The following INPP4B variants were observed in gnomAD, a reference collection of about 807,000 sequenced individuals.
INPP4B encodes the protein inositol polyphosphate-4-phosphatase type II B, also known as inositol polyphosphate 4-phosphatase type II.
Under a neutral mutation model 122.5 loss-of-function variants are expected in INPP4B, and 55 were observed. The ratio of observed to expected loss-of-function variants is 0.45; its 90% CI spans 0.36 to 0.56. The LOEUF (loss-of-function observed/expected upper bound fraction) is 0.56, where lower values mean the gene tolerates loss of function less well. Ranked by LOEUF, INPP4B falls within the 20% of genes least tolerant of loss-of-function variation. INPP4B has a pLI of 0.00. For synonymous variants in INPP4B, 403 were observed against 388.7 expected (o/e 1.04, Z -0.43); for missense variants, 1,000 against 1,097.7 (o/e 0.91, Z 1.26).
At chr4:142,749,499 AG>A (rs1315322860) in intron 1 of INPP4B, among the ~76,000 whole-genome samples, 4 of 151,332 alleles carry the variant, frequency 2.6e-5, no homozygotes, top group Non-Finnish European at 4.4e-5. Flanking sequence ...AAGAAGTAAA[AG>A]AAAATGATGT....
chr4:142,706,857 T>A (rs1295893539), intron 2 of INPP4B, among the ~76,000 whole-genome samples: 1 of 152,248 alleles, frequency 6.6e-6, no homozygotes, highest in African/African-American at 2.4e-5. Flanking sequence ...TTATTTCAGA[T>A]CTTCTGGCTT....
intron 1 of INPP4B, among the ~76,000 whole-genome samples, chr4:142,756,103 G>A (rs1305881029): frequency 1.3e-5 from 2 of 151,974 alleles, no homozygotes; most frequent in Non-Finnish European, 2.9e-5. Context: ...TAGTGCAGGC[G>A]AATGAATGAG....
chr4:142,025,489 A>T lies in INPP4B; in HGVS notation c.*3293T>A, dbSNP rs1736736233. 1 of 152,120 alleles carries T rather than the reference A, an allele frequency of 6.6e-6. No homozygotes were observed. The highest frequency in any genetic ancestry group is 1.5e-5 in the Non-Finnish European group (1 of 68,026). The allele number at this position is 152,120 out of a possible 1,614,324, so 9.4% of individuals were successfully genotyped here. A position where few individuals can be genotyped will look rare whatever the true frequency, so the allele number is the denominator to read the frequency against. On this transcript the variant is annotated 3_prime_UTR_variant, in exon 26 of 26. Coordinates refer to ENST00000262992, the MANE Select transcript of INPP4B (RefSeq NM_001101669.3). ...AAAATTTCTGGTACTTTAATTATCAACTTTTATGCATCAGAACGAGCTAGT... is the reference window on the plus strand; with the variant it reads ...AAAATTTCTGGTACTTTAATTATCATCTTTTATGCATCAGAACGAGCTAGT...
At chr4:142,062,978 G>C (rs570039383) in intron 25 of INPP4B, among the ~76,000 whole-genome samples, 1 of 152,174 alleles carries the variant, frequency 6.6e-6, no homozygotes, top group South Asian at 2.1e-4. Context: ...TATAATTTTT[G>C]TTTAACGTTG....
intron 6 of INPP4B, 134 bp downstream of exon 6, chr4:142,405,072 C>T (rs1802917625): frequency 3.4e-6 from 2 of 589,740 alleles, no homozygotes; most frequent in Non-Finnish European, 3.0e-6. Context: ...AGACTATGAA[C>T]TAACTTATTT....
rs767033217 is a variant in INPP4B, at chr4:142,122,156, C to T, written c.2107G>A (p.Asp703Asn). 8 of 1,611,312 alleles carry T rather than the reference C, an allele frequency of 5.0e-6. No individual in the cohort carries two copies. Among genetic ancestry groups the T allele is most frequent in the South Asian group, 1.1e-5 (1 of 90,668 alleles). The change falls in exon 21 of 26, where the codon GAT becomes AAT. Residue 703 changes from aspartate (D) to asparagine (N), a missense_variant. Transcript: ENST00000262992. ...AFKIIEAKSN[D>N]VLPVITGRRE... is the part of the protein sequence containing the mutation. ...CTTCCTGTTATAACTGGCAACACAT[C>T]ATTGGATTTGGCTTCAATTATTTTA...
intron 2 of INPP4B, among the ~76,000 whole-genome samples, chr4:142,464,680 A>G (rs1190341247): frequency 6.6e-6 from 1 of 152,162 alleles, no homozygotes; most frequent in Non-Finnish European, 1.5e-5. Context: ...ACTAAAGAAA[A>G]TACAAACCAT....
chr4:142,176,903 C>A (rs1828574381), intron 15 of INPP4B, among the ~76,000 whole-genome samples: 1 of 152,124 alleles, frequency 6.6e-6, no homozygotes, highest in Non-Finnish European at 1.5e-5. Flanking sequence ...TTCTTAGCAC[C>A]TTTTACAAGG....
intron 2 of INPP4B, among the ~76,000 whole-genome samples, chr4:142,685,040 T>C (rs1016490852): frequency 6.6e-6 from 1 of 152,116 alleles, no homozygotes; most frequent in African/African-American, 2.4e-5. Context: ...AATGTAGATA[T>C]TTATTTTCTC....
intron 11 of INPP4B, among the ~76,000 whole-genome samples, chr4:142,241,960 G>A (rs963013093): frequency 6.6e-5 from 10 of 152,254 alleles, no homozygotes; most frequent in African/African-American, 2.4e-4. Flanking sequence ...AACTTGATTG[G>A]CTTCAGGCAG....
At chr4:142,373,950 A>G (rs563543384) in intron 7 of INPP4B, among the ~76,000 whole-genome samples, 2 of 152,038 alleles carry the variant, frequency 1.3e-5, no homozygotes, top group African/African-American at 4.8e-5. Context: ...TGCATTGAGC[A>G]GCCACGGTAT....
rs532966082 is a variant in INPP4B at position 142,723,801 on chromosome 4, G to C, written c.-191+2038C>G. ...AAATTTAAATGCACATATTCCATCT[G>C]AGATAATAGGCAGAATGTTAATATG... On this transcript the variant is annotated intron_variant, in intron 2 of 25. Transcript: ENST00000262992. Among the ~76,000 whole-genome samples the C allele has an allele frequency of 1.2e-3, 181 of 152,164 alleles. 1 individual carries two copies. The highest frequency in any genetic ancestry group is 2.1e-3 in the Non-Finnish European group (146 of 67,956).
At chr4:142,617,512 G>A (rs1047967359) in intron 2 of INPP4B, among the ~76,000 whole-genome samples, 1 of 152,114 alleles carries the variant, frequency 6.6e-6, no homozygotes, top group Non-Finnish European at 1.5e-5. Flanking sequence ...GCTCACGGCT[G>A]GAGAGACACC....
At chr4:142,578,470 G>T (rs116527617) in intron 2 of INPP4B, among the ~76,000 whole-genome samples, 2,762 of 151,980 alleles carry the variant, frequency 0.018, 58 homozygotes, top group Non-Finnish European at 0.027. Context: ...TCAAGGAGTT[G>T]GCAGGTTGGT....
intron 5 of INPP4B, among the ~76,000 whole-genome samples, chr4:142,413,125 C>T (rs1308019274): frequency 1.3e-5 from 2 of 152,088 alleles, no homozygotes; most frequent in Non-Finnish European, 2.9e-5. Context: ...AAAATAGGAA[C>T]AAATGTATAA....
At chr4:142,214,086 T>C (rs1846036405) in intron 12 of INPP4B, among the ~76,000 whole-genome samples, 1 of 152,176 alleles carries the variant, frequency 6.6e-6, no homozygotes, top group Admixed American at 6.5e-5. Flanking sequence ...TTCTATGCCA[T>C]ACAGTGGGGT....
rs1003389572 is a variant in INPP4B at position 142,260,344 on chromosome 4, T to G, written c.688+148A>C. Reference sequence around the variant, plus strand: ...ATCTTTCCTGTGGAATTGTACAATCTCCCCGCATTCTGCTGGCCCCTTATG... The same window carrying G: ...ATCTTTCCTGTGGAATTGTACAATCGCCCCGCATTCTGCTGGCCCCTTATG... On this transcript the variant is annotated intron_variant, in intron 11 of 25. Transcript: ENST00000262992. The G allele has an allele frequency of 4.6e-6, 3 of 650,404 alleles. No individual in the cohort carries two copies. The African/African-American group carries it at 5.6e-5, about 12-fold the overall frequency. The allele number at this position is 650,404 out of a possible 1,614,324, so 40.3% of individuals were successfully genotyped here.
intron 2 of INPP4B, among the ~76,000 whole-genome samples, chr4:142,507,043 C>A (rs1162352743): frequency 2.6e-5 from 4 of 152,140 alleles, no homozygotes; most frequent in Admixed American, 6.6e-5. Context: ...AAATTCTTCC[C>A]AGCATTCTAG....
rs144685383 is a variant in INPP4B, at chr4:142,424,539, G to A, written c.136+4634C>T. On this transcript the variant is annotated intron_variant, in intron 5 of 25. Coordinates refer to ENST00000262992, the MANE Select transcript of INPP4B (RefSeq NM_001101669.3). ...CTTGTTATCTTGCACACACAGACACGGATAGTTAAATAAAGGCCATATTGT... is the reference window on the plus strand; with the variant it reads ...CTTGTTATCTTGCACACACAGACACAGATAGTTAAATAAAGGCCATATTGT... Among the ~76,000 whole-genome samples the A allele has an allele frequency of 4.6e-5, 7 of 152,004 alleles. No homozygotes were observed. In the East Asian group the frequency reaches 1.4e-3, roughly 29 times the overall value.
Sources: gnomAD v4.1 joint callset for allele counts (sites outside exome capture counted in the v4.1 genomes callset) on GRCh38, gnomAD v4.1.1 for gene constraint, MANE v1.5 for transcripts, NCBI Gene and HGNC (gene_info 2026-07-23, HGNC 2026-07-21) for gene names.